ATG7: variants seen among roughly 807,000 people sequenced by gnomAD.
The protein encoded by ATG7 is autophagy related 7, also known as ubiquitin-like modifier-activating enzyme ATG7.
Under a neutral mutation model 82.4 loss-of-function variants are expected in ATG7, and 70 were observed. The observed-to-expected ratio is 0.85, with a 90% CI of 0.70 to 1.04. ATG7 has a LOEUF of 1.04. ATG7 is among the 50% of genes least tolerant of loss of function. The pLI is 0.00. For missense variants in ATG7, 792 were observed against 864.3 expected, an observed-to-expected ratio of 0.92 and a Z score of 1.05; for synonymous variants, 287 against 313.0, an observed-to-expected ratio of 0.92 and a Z score of 0.88.
intron 20 of ATG7, among the ~76,000 whole-genome samples, chr3:11,465,543 G>A (rs1398882984): frequency 6.6e-6 from 1 of 151,846 alleles, no homozygotes; most frequent in Non-Finnish European, 1.5e-5. Context: ...CTAGGAGTGT[G>A]AGACCAGCCT....
At chr3:11,334,630 ATG>A (rs10558538) in intron 11 of ATG7, among the ~76,000 whole-genome samples, 30,759 of 150,560 alleles carry the variant, frequency 0.2, 3,490 homozygotes, top group South Asian at 0.36. Flanking sequence ...ATGCCTTAAA[ATG>A]TGTGTGTGTG....
At chr3:11,399,027 A>G (rs1328169565) in intron 19 of ATG7, among the ~76,000 whole-genome samples, 1 of 152,184 alleles carries the variant, frequency 6.6e-6, no homozygotes, top group Non-Finnish European at 1.5e-5. Context: ...AGGAAGATTA[A>G]CATGTATCTT....
chr3:11,417,803 T>A (rs200704465), intron 19 of ATG7, among the ~76,000 whole-genome samples: 31 of 6,650 alleles, frequency 4.7e-3, no homozygotes, highest in South Asian at 0.016. Flanking sequence ...TATTATTATT[T>A]TATTTTATTT....
Position 11,431,393 on chromosome 3 carries a change from A to G in ATG7, c.2079+4467A>G, listed in dbSNP as rs374622174. Among the ~76,000 whole-genome samples, 404 of 152,282 alleles carry G rather than the reference A, an allele frequency of 2.7e-3. 2 individuals carry two copies. Among genetic ancestry groups the G allele is most frequent in the African/African-American group, 9.1e-3 (379 of 41,568 alleles). On this transcript the variant is annotated intron_variant, in intron 20 of 20. Coordinates refer to ENST00000693202, the MANE Select transcript of ATG7 (RefSeq NM_001349232.2). ...TCCAGCCTGCAAGGGCGGGGGGAAA[A>G]AAACAACCACACACAACACACACAC...
chr3:11,573,300 AAAGAAAGGAAGGAAGG>A, the ATG7 span, among the ~76,000 whole-genome samples: 10 of 9,544 alleles, frequency 1.0e-3, 1 homozygote, highest in East Asian at 6.7e-3. Flanking sequence ...AGAAAGAAAG[AAAGAAAGGAAGGAAGG>A]AAGAAAGAAA....
At chr3:11,568,560 T>A in the ATG7 span, 1 of 1,553,312 alleles carries the variant, frequency 6.4e-7, no homozygotes, top group Non-Finnish European at 8.7e-7. The surrounding 1 kb of genome is among the most constrained non-coding windows in gnomAD (Gnocchi z 5.9). Context: ...AGAAAAGGCC[T>A]GGAGAACTGG....
intron 1 of ATG7, among the ~76,000 whole-genome samples, chr3:11,276,619 G>C (rs1941857930): frequency 1.3e-5 from 2 of 152,082 alleles, no homozygotes; most frequent in South Asian, 4.1e-4. Context: ...CAGAATACCT[G>C]ACCACTTTTC....
At chr3:11,512,552 A>G (rs1048344163) in intron 20 of ATG7, among the ~76,000 whole-genome samples, 4 of 152,224 alleles carry the variant, frequency 2.6e-5, no homozygotes, top group African/African-American at 7.2e-5. Context: ...GAATGAAGCC[A>G]TGGACCGTCG....
chr3:11,364,838 C>T lies in ATG7; in HGVS notation c.1875+104C>T, dbSNP rs570579674. The T allele has an allele frequency of 9.9e-6, 12 of 1,206,422 alleles. No individual in the cohort carries two copies. The African/African-American group carries it at 1.5e-4, about 15-fold the overall frequency. The allele number at this position is 1,206,422 out of a possible 1,614,324, so 74.7% of individuals were successfully genotyped here. A position where few individuals can be genotyped will look rare whatever the true frequency, so the allele number is the denominator to read the frequency against. ...CCCAGCCCACTTCATATCCACCCTA[C>T]TTACCCTGCAGCTGGGATTTCAATG... On this transcript the variant is annotated intron_variant, in intron 18 of 20. Coordinates refer to ENST00000693202, the MANE Select transcript of ATG7 (RefSeq NM_001349232.2).
At chr3:11,535,454 A>T (rs1239418768) in intron 20 of ATG7, among the ~76,000 whole-genome samples, 2 of 151,800 alleles carry the variant, frequency 1.3e-5, no homozygotes, top group Admixed American at 6.6e-5. Flanking sequence ...GCAGGTTTGT[A>T]TGGCAATCAC....
intron 12 of ATG7, among the ~76,000 whole-genome samples, chr3:11,341,067 G>A (rs1021787730): frequency 1.5e-4 from 12 of 79,736 alleles, no homozygotes; most frequent in African/African-American, 2.8e-4. Flanking sequence ...CCCCCGCCCC[G>A]TCCCCCACCC....
chr3:11,391,059 T>C (rs1414374774), intron 19 of ATG7, among the ~76,000 whole-genome samples: 4 of 152,304 alleles, frequency 2.6e-5, no homozygotes, highest in Middle Eastern at 3.4e-3. Flanking sequence ...TGTCAGTGTT[T>C]TCCGTTGATC....
In ATG7 at chr3:11,554,836, C is replaced by T; in HGVS notation, c.2105C>T (p.Thr702Ile). The T allele has an allele frequency of 6.2e-7, 1 of 1,613,026 alleles. No individual in the cohort carries two copies. The highest frequency in any genetic ancestry group is 1.1e-5 in the South Asian group (1 of 91,000). Residue 702 changes from threonine to isoleucine, a missense_variant, in exon 21 of 21, where the codon ACC becomes ATC. Physicochemically the swap from Thr to Ile is moderately conservative, Grantham distance 89. Coordinates refer to ENST00000693202, the MANE Select transcript of ATG7 (RefSeq NM_001349232.2). Reference sequence around the variant, plus strand: ...ATCTGGGACATGAGCGATGATGAGACCATCTGAGATGGCCCCGCTGTGGGG... The same window carrying T: ...ATCTGGGACATGAGCGATGATGAGATCATCTGAGATGGCCCCGCTGTGGGG... Reference protein sequence around the residue: ...AEIWDMSDDETI With the variant: ...AEIWDMSDDEII
Position 11,556,496 on chromosome 3 carries a change from G to T in ATG7, c.*1653G>T, listed in dbSNP as rs576319889. On this transcript the variant is annotated 3_prime_UTR_variant, in exon 21 of 21. Coordinates refer to ENST00000693202, the MANE Select transcript of ATG7 (RefSeq NM_001349232.2). ...CAGCTGTGGGTGGTTTTCCTGTTAC[G>T]ACGCTCAGTAGCCTGTAGCAATAAC... 1 of 152,592 alleles carries T rather than the reference G, an allele frequency of 6.6e-6. No individual in the cohort carries two copies. The highest frequency in any genetic ancestry group is 2.1e-4 in the South Asian group (1 of 4,812). The allele number at this position is 152,592 out of a possible 1,614,324, so 9.5% of individuals were successfully genotyped here.
chr3:11,434,357 G>C (rs997162016), intron 20 of ATG7, among the ~76,000 whole-genome samples: 1 of 152,190 alleles, frequency 6.6e-6, no homozygotes, highest in African/African-American at 2.4e-5. Flanking sequence ...TCGCTCTGGG[G>C]ACTGAACTAG....
In ATG7 at chr3:11,360,583, G is replaced by T. The variant is rs755320587; in HGVS notation, c.1482G>T (p.Leu494=). The change falls in exon 16 of 21, where the codon CTG becomes CTT. Residue 494 remains leucine (L), a splice_region_variant and synonymous_variant. Transcript: ENST00000693202. ...CTTTCATTCCTTGAAACCTGCAGCTGGTCATCAATGCTGCTTTGGGATTTG... is the reference window on the plus strand; with the variant it reads ...CTTTCATTCCTTGAAACCTGCAGCTTGTCATCAATGCTGCTTTGGGATTTG... ...PAVIAASKRK[L]VINAALGFDT... 2 of 1,612,432 alleles carry T rather than the reference G, an allele frequency of 1.2e-6. No homozygotes were observed. The highest frequency in any genetic ancestry group is 1.7e-6 in the Non-Finnish European group (2 of 1,179,148).
At chr3:11,506,818 C>T (rs1291692784) in intron 20 of ATG7, among the ~76,000 whole-genome samples, 1 of 152,108 alleles carries the variant, frequency 6.6e-6, no homozygotes, top group Non-Finnish European at 1.5e-5. Context: ...GAGGAGTGGT[C>T]TAGAACTTGA....
intron 19 of ATG7, among the ~76,000 whole-genome samples, chr3:11,417,890 A>AAAG (rs1156944646): frequency 1.3e-5 from 2 of 149,186 alleles, no homozygotes; most frequent in Non-Finnish European, 3.0e-5. Flanking sequence ...GGCTCACTGA[A>AAAG]AGCTCTGCCT....
chr3:11,573,316 G>GAAGAAAGAAAGAAAGA, the ATG7 span, among the ~76,000 whole-genome samples: 7 of 20,750 alleles, frequency 3.4e-4, 1 homozygote, highest in Non-Finnish European at 7.9e-5. Flanking sequence ...AGGAAGGAAG[G>GAAGAAAGAAAGAAAGA]AAGAAAGAAA....
Sources: allele counts gnomAD v4.1 joint callset (sites outside exome capture counted in the v4.1 genomes callset), GRCh38; gene constraint gnomAD v4.1.1; non-coding constraint Gnocchi (gnomAD v3.1); transcripts MANE v1.5; gene names NCBI Gene and HGNC (gene_info 2026-07-23, HGNC 2026-07-21).